Variants in TUSC3 observed in about 807,000 individuals in gnomAD.
TUSC3 encodes dolichyl-diphosphooligosaccharide--protein glycosyltransferase subunit TUSC3.
Under a neutral mutation model 44.8 loss-of-function variants are expected in TUSC3, and 45 were observed. That is an observed-to-expected ratio of 1.00 (90% CI 0.79 to 1.29). The LOEUF is 1.29. Among genes scored for constraint, TUSC3 ranks in the 50% most tolerant of loss-of-function variants. TUSC3 has a pLI of 0.00. For synonymous variants in TUSC3, 212 were observed against 152.9 expected, an observed-to-expected ratio of 1.39 and a Z score of -2.85; for missense variants, 519 against 437.9, an observed-to-expected ratio of 1.19 and a Z score of -1.65.
intron 2 of TUSC3, among the ~76,000 whole-genome samples, chr8:15,632,261 CTT>C (rs202242631): frequency 2.0e-5 from 3 of 151,406 alleles, no homozygotes; most frequent in African/African-American, 7.3e-5. Context: ...ATGATGGTGA[CTT>C]TTTTTTTCCC....
intron 2 of TUSC3, among the ~76,000 whole-genome samples, chr8:15,534,674 T>C (rs571553136): frequency 7.2e-4 from 108 of 149,450 alleles, no homozygotes; most frequent in African/African-American, 2.6e-3. Flanking sequence ...TTCAGCCAAA[T>C]TAAATTTAAA....
chr8:15,452,185 A>G (rs1288947513), intron 1 of TUSC3, among the ~76,000 whole-genome samples: 1 of 152,200 alleles, frequency 6.6e-6, no homozygotes, highest in Non-Finnish European at 1.5e-5. Context: ...AAGTGCTTTA[A>G]CTATAATTTC....
At chr8:15,658,403 C>G (rs890678051) in intron 3 of TUSC3, among the ~76,000 whole-genome samples, 2 of 151,998 alleles carry the variant, frequency 1.3e-5, no homozygotes, top group Non-Finnish European at 2.9e-5. Context: ...CTTGACTGTA[C>G]TTGGTTATTA....
chr8:15,723,105 C>G (rs1041272464), intron 6 of TUSC3, among the ~76,000 whole-genome samples: 3 of 152,094 alleles, frequency 2.0e-5, no homozygotes, highest in Admixed American at 6.6e-5. Flanking sequence ...TTTTGAAATT[C>G]TTTTGAGAAC....
intron 2 of TUSC3, among the ~76,000 whole-genome samples, chr8:15,647,426 C>T (rs112208713): frequency 1.2e-4 from 19 of 152,074 alleles, no homozygotes; most frequent in African/African-American, 3.1e-4. Context: ...GGAATAAATA[C>T]GGTTTTCTTA....
chr8:15,583,760 T>A (rs11203712), intron 1 of TUSC3, among the ~76,000 whole-genome samples: 34,049 of 151,948 alleles, frequency 0.22, 3,934 homozygotes, highest in East Asian at 0.44. Flanking sequence ...TTAAAATGGA[T>A]TTTTTTTCTT....
intron 2 of TUSC3, among the ~76,000 whole-genome samples, chr8:15,631,311 A>G (rs1269625219): frequency 6.6e-6 from 1 of 152,164 alleles, no homozygotes; most frequent in East Asian, 1.9e-4. Context: ...TCTTCCTCAG[A>G]TAGGATAATC....
chr8:15,772,070 C>A, the TUSC3 span, among the ~76,000 whole-genome samples: 3 of 151,628 alleles, frequency 2.0e-5, no homozygotes, highest in African/African-American at 7.3e-5. Flanking sequence ...GCCTGGGCCA[C>A]AGAGCAAGAC....
chr8:15,565,252 TC>T (rs1255446530), intron 1 of TUSC3, among the ~76,000 whole-genome samples: 1 of 151,992 alleles, frequency 6.6e-6, no homozygotes, highest in African/African-American at 2.4e-5. Flanking sequence ...GTCTCTGACT[TC>T]CATTCCCACA....
chr8:15,661,537 A>T (rs1464195691), intron 4 of TUSC3, among the ~76,000 whole-genome samples: 1 of 151,980 alleles, frequency 6.6e-6, no homozygotes, highest in Non-Finnish European at 1.5e-5. Context: ...TCACCTCTAT[A>T]GGCACGTAAT....
intron 1 of TUSC3, among the ~76,000 whole-genome samples, chr8:15,453,877 T>C (rs1301658706): frequency 1.3e-5 from 2 of 152,170 alleles, no homozygotes; most frequent in Non-Finnish European, 2.9e-5. Flanking sequence ...GCAGTCTCTC[T>C]ATAGATAGAA....
the TUSC3 span, among the ~76,000 whole-genome samples, chr8:15,840,170 TGAACAATGA>T: frequency 1.3e-5 from 2 of 151,936 alleles, no homozygotes; most frequent in African/African-American, 4.8e-5. Flanking sequence ...AGGTGGGAAC[TGAACAATGA>T]GAACACTTGG....
chr8:15,557,718 A>G lies in TUSC3; in HGVS notation c.138+17150A>G, dbSNP rs28819984. Among the ~76,000 whole-genome samples, 604 of 123,206 alleles carry G rather than the reference A, an allele frequency of 4.9e-3. 11 individuals carry two copies. The highest frequency in any genetic ancestry group is 5.7e-3 in the Non-Finnish European group (317 of 55,698). The allele number at this position is 123,206 out of a possible 152,430, so 80.8% of individuals were successfully genotyped here. On this transcript the variant is annotated intron_variant, in intron 1 of 10. Transcript: ENST00000503731. ...GTAGTTCTCCTTGAAGAGGTCCTTC[A>G]CATCCCTTGTAAGTTGGATTCCTAG... is the stretch of plus-strand genomic sequence containing the variant.
chr8:15,476,140 A>G (rs1385522280), intron 1 of TUSC3, among the ~76,000 whole-genome samples: 1 of 152,182 alleles, frequency 6.6e-6, no homozygotes, highest in Non-Finnish European at 1.5e-5. Context: ...ATTGTGTAAT[A>G]TTTTCAAATA....
At chr8:15,589,258 A>T (rs373308502) in intron 1 of TUSC3, among the ~76,000 whole-genome samples, 1 of 152,120 alleles carries the variant, frequency 6.6e-6, no homozygotes, top group Non-Finnish European at 1.5e-5. Flanking sequence ...TGTGTTTTTA[A>T]TCCATTTATC....
intron 1 of TUSC3, among the ~76,000 whole-genome samples, chr8:15,425,555 C>G (rs1028386168): frequency 6.6e-6 from 1 of 152,182 alleles, no homozygotes; most frequent in South Asian, 2.1e-4. Flanking sequence ...ACCCTTTGTT[C>G]TGGCACTGTG....
chr8:15,612,506 G>A (rs1804807102), intron 1 of TUSC3, among the ~76,000 whole-genome samples: 2 of 152,090 alleles, frequency 1.3e-5, no homozygotes, highest in Non-Finnish European at 2.9e-5. Flanking sequence ...TGTGAATTGA[G>A]AAAAAATGGA....
upstream of TUSC3, among the ~76,000 whole-genome samples, chr8:15,536,681 CAAAAAAAAAAAAAAAAAAAAA>C (rs570573410): frequency 1.3e-3 from 58 of 45,600 alleles, no homozygotes; most frequent in Middle Eastern, 0.018. Flanking sequence ...GATTCCGTCT[CAAAAAAAAAAAAAAAAAAAAA>C]AAAAAAAAAA....
At chr8:15,484,065 G>A (rs913255082) in intron 2 of TUSC3, among the ~76,000 whole-genome samples, 1 of 152,022 alleles carries the variant, frequency 6.6e-6, no homozygotes, top group Non-Finnish European at 1.5e-5. Context: ...TGTTATATTA[G>A]GTCTATTTGT....
Sources: gnomAD v4.1 joint callset for allele counts (sites outside exome capture counted in the v4.1 genomes callset) on GRCh38, gnomAD v4.1.1 for gene constraint, MANE v1.5 for transcripts, NCBI Gene and HGNC (gene_info 2026-07-23, HGNC 2026-07-21) for gene names.